Variants in MBD5 observed in about 807,000 individuals in gnomAD.
The protein encoded by MBD5 is methyl-CpG-binding domain protein 5.
Under a neutral mutation model 117.3 loss-of-function variants are expected in MBD5, and 13 were observed. That is an observed-to-expected ratio of 0.11 (90% CI 0.07 to 0.18). The LOEUF (loss-of-function observed/expected upper bound fraction) is 0.18. MBD5 is among the 10% of genes least tolerant of loss of function. The probability of loss-of-function intolerance (pLI) is 1.00; values close to 1 mark genes in which losing one functional copy is unlikely to be tolerated. For missense variants in MBD5, 1,879 were observed against 2,093.8 expected (o/e 0.90, Z 2.00); for synonymous variants, 727 against 766.4 (o/e 0.95, Z 0.85).
intron 1 of MBD5, among the ~76,000 whole-genome samples, chr2:148,171,114 A>G (rs1253874453): frequency 6.6e-6 from 1 of 152,216 alleles, no homozygotes; most frequent in Admixed American, 6.5e-5. Flanking sequence ...AGAGCAGATA[A>G]TACTTTCAAA....
intron 4 of MBD5, among the ~76,000 whole-genome samples, chr2:148,361,712 A>G (rs1295137629): frequency 1.3e-5 from 2 of 152,220 alleles, no homozygotes; most frequent in Non-Finnish European, 2.9e-5. Context: ...AAGAGCATCA[A>G]AATGGTGGTG....
intron 4 of MBD5, among the ~76,000 whole-genome samples, chr2:148,434,799 G>T (rs1327907780): frequency 6.6e-6 from 1 of 152,112 alleles, no homozygotes; most frequent in Non-Finnish European, 1.5e-5. Context: ...TTCAAGTTCT[G>T]AATATCATTT....
intron 3 of MBD5, chr2:148,330,465 A>G (rs1219859320): frequency 6.6e-6 from 1 of 152,188 alleles, no homozygotes; most frequent in African/African-American, 2.4e-5. Context: ...AGCAGATGCA[A>G]TCATCTCCAT....
chr2:148,127,240 T>G (rs1696922723), intron 1 of MBD5, among the ~76,000 whole-genome samples: 1 of 152,178 alleles, frequency 6.6e-6, no homozygotes, highest in African/African-American at 2.4e-5. Context: ...TTTCTTCAGC[T>G]TTTATTTCAA....
intron 1 of MBD5, among the ~76,000 whole-genome samples, chr2:148,100,646 C>T (rs1342453289): frequency 6.6e-6 from 1 of 152,164 alleles, no homozygotes; most frequent in African/African-American, 2.4e-5. Flanking sequence ...CTCAGTTCTC[C>T]AAAAGGGCCT....
intron 4 of MBD5, among the ~76,000 whole-genome samples, chr2:148,442,656 A>G (rs1247779019): frequency 3.3e-5 from 5 of 151,334 alleles, no homozygotes; most frequent in East Asian, 3.8e-4. Flanking sequence ...TATGCCTTAT[A>G]TGATTGTGAT....
At chr2:148,319,238 C>G (rs1300684158) in intron 3 of MBD5, among the ~76,000 whole-genome samples, 1 of 151,992 alleles carries the variant, frequency 6.6e-6, no homozygotes, top group African/African-American at 2.4e-5. Context: ...TATTTGGGGT[C>G]TTATTTTTTA....
intron 4 of MBD5, among the ~76,000 whole-genome samples, chr2:148,381,568 G>C (rs1704144572): frequency 6.6e-6 from 1 of 152,188 alleles, no homozygotes; most frequent in African/African-American, 2.4e-5. Context: ...CCCCAATCTA[G>C]CAAGGCAGGC....
rs542652671 is a variant in MBD5 at position 148,063,502 on chromosome 2, G to C, written c.-925+41818G>C. ...TCAACTCTGCTTTTTTAGTGCAAAA[G>C]CAGCCATTGACAATACATAAATGAA... On this transcript the variant is annotated intron_variant, in intron 1 of 13. Transcript: ENST00000642680. Among the ~76,000 whole-genome samples the C allele has an allele frequency of 7.5e-3, 1,134 of 152,108 alleles. 12 individuals carry two copies. Among genetic ancestry groups the C allele is most frequent in the African/African-American group, 0.025 (1,051 of 41,496 alleles).
chr2:148,373,912 G>A (rs1703921764), intron 4 of MBD5, among the ~76,000 whole-genome samples: 1 of 152,046 alleles, frequency 6.6e-6, no homozygotes, highest in Admixed American at 6.6e-5. Context: ...ACATAATACA[G>A]GCTGGGCATC....
intron 3 of MBD5, among the ~76,000 whole-genome samples, chr2:148,292,059 C>G (rs752773110): frequency 4.6e-5 from 7 of 152,162 alleles, no homozygotes; most frequent in Non-Finnish European, 7.4e-5. Context: ...TAAACAAAAA[C>G]CAAATCAAAA....
intron 13 of MBD5, among the ~76,000 whole-genome samples, chr2:148,510,410 C>T (rs776733190): frequency 2.6e-5 from 4 of 152,188 alleles, no homozygotes; most frequent in Non-Finnish European, 4.4e-5. Flanking sequence ...AAGTTCAAAC[C>T]ACAGCTTTCT....
chr2:148,459,131 C>T (rs1476376433), intron 5 of MBD5, among the ~76,000 whole-genome samples: 1 of 152,104 alleles, frequency 6.6e-6, no homozygotes, highest in Non-Finnish European at 1.5e-5. Flanking sequence ...ATGCAATCAT[C>T]ATTACCACAT....
chr2:148,343,119 A>G (rs892536168), intron 4 of MBD5, among the ~76,000 whole-genome samples: 2 of 151,952 alleles, frequency 1.3e-5, no homozygotes, highest in Non-Finnish European at 2.9e-5. Flanking sequence ...TTCCTTTTTT[A>G]TGGCTGCATG....
At chr2:148,135,113 A>G (rs1697141562) in intron 1 of MBD5, among the ~76,000 whole-genome samples, 1 of 152,200 alleles carries the variant, frequency 6.6e-6, no homozygotes, top group Non-Finnish European at 1.5e-5. Flanking sequence ...GTAAAATGCC[A>G]GTCTGGATTA....
chr2:148,031,532 A>G (rs1694040754), intron 1 of MBD5, among the ~76,000 whole-genome samples: 1 of 152,176 alleles, frequency 6.6e-6, no homozygotes, highest in South Asian at 2.1e-4. Context: ...CTGGGATTAA[A>G]ATTCAGAGTA....
At position 148,470,107 on chromosome 2, in the gene MBD5, G is replaced by A. The variant is rs143584574; in HGVS notation, c.2164G>A (p.Gly722Ser). The A allele has an allele frequency of 1.2e-6, 2 of 1,613,688 alleles. No homozygotes were observed. Among genetic ancestry groups the A allele is most frequent in the African/African-American group, 2.7e-5 (2 of 74,872 alleles). Reference sequence around the variant, plus strand: ...TCACTTGAGTAGCAATAGTACCCCGGGTTGTGGGGCCTCAAATACTGCTTT... The same window carrying A: ...TCACTTGAGTAGCAATAGTACCCCGAGTTGTGGGGCCTCAAATACTGCTTT... Reference protein sequence around the residue: ...SSHLSSNSTPGCGASNTALPC... With the variant: ...SSHLSSNSTPSCGASNTALPC... Residue 722 changes from glycine to serine, a missense_variant, in exon 8 of 14, where the codon GGT (glycine) becomes AGT (serine). Gly to Ser is a moderately conservative substitution (Grantham distance 56). Around this residue, in one of 4 missense-constraint regions of MBD5, gnomAD observed 1,666 missense variants for 1,792.2 expected, o/e 0.93. Coordinates refer to ENST00000642680, the MANE Select transcript of MBD5 (RefSeq NM_001378120.1).
chr2:148,457,066 G>A (rs918934911), intron 4 of MBD5, among the ~76,000 whole-genome samples: 11 of 152,186 alleles, frequency 7.2e-5, no homozygotes, highest in South Asian at 4.1e-4. Flanking sequence ...TTTGAAATAC[G>A]TGTTGTCTAA....
chr2:148,432,632 C>T (rs1021646904), intron 4 of MBD5, among the ~76,000 whole-genome samples: 9 of 151,910 alleles, frequency 5.9e-5, no homozygotes, highest in African/African-American at 2.2e-4. Context: ...GAATTCTTTC[C>T]CCATTTCTCG....
Sources: gnomAD v4.1 joint callset for allele counts (sites outside exome capture counted in the v4.1 genomes callset) on GRCh38, gnomAD v4.1.1 for gene constraint, gnomAD v4.1.1 regional missense constraint, MANE v1.5 for transcripts, NCBI Gene and HGNC (gene_info 2026-07-23, HGNC 2026-07-21) for gene names.